Variants in TFPI observed in about 807,000 individuals in gnomAD.
The protein encoded by TFPI is anti-convertin.
In TFPI, 15 loss-of-function variants were observed where a neutral mutation model predicts 34.6. The observed-to-expected ratio is 0.43, with a 90% CI of 0.29 to 0.67. TFPI has a LOEUF of 0.67. Ranked by LOEUF, TFPI falls within the 30% of genes least tolerant of loss-of-function variation. The probability of loss-of-function intolerance (pLI) is 0.15; values close to 1 mark genes in which losing one functional copy is unlikely to be tolerated. For missense variants in TFPI, 301 were observed against 364.0 expected, an observed-to-expected ratio of 0.83 and a Z score of 1.41; for synonymous variants, 105 against 120.1, an observed-to-expected ratio of 0.87 and a Z score of 0.82.
intron 2 of TFPI, 86 bp downstream of exon 2, chr2:187,503,562 C>T: frequency 6.7e-7 from 1 of 1,502,750 alleles, no homozygotes; most frequent in Non-Finnish European, 9.0e-7. Context: ...TAATTTCCCT[C>T]CACAATGGAA....
Position 187,498,016 on chromosome 2 carries a change from A to T in TFPI, c.122-938T>A, listed in dbSNP as rs117762436. 6.3e-4 allele frequency among the ~76,000 whole-genome samples: 95 copies of T among 151,928 alleles called. No homozygotes were observed. The East Asian group carries it at 0.018, about 28-fold the overall frequency. On this transcript the variant is annotated intron_variant, in intron 2 of 7. Coordinates refer to ENST00000233156, the MANE Select transcript of TFPI (RefSeq NM_006287.6). Reference sequence around the variant, plus strand: ...TTGGCAATTGATTTATTAATCTCTTATGGGGAATATTGAAACCTATAAATG... The same window carrying T: ...TTGGCAATTGATTTATTAATCTCTTTTGGGGAATATTGAAACCTATAAATG...
chr2:187,498,198 T>G (rs1172050658), intron 2 of TFPI, among the ~76,000 whole-genome samples: 1 of 151,906 alleles, frequency 6.6e-6, no homozygotes, highest in East Asian at 1.9e-4. Context: ...TCACATAAAA[T>G]ATTTTTAAAG....
At chr2:187,505,853 G>A (rs1177273649) in intron 1 of TFPI, among the ~76,000 whole-genome samples, 1 of 152,000 alleles carries the variant, frequency 6.6e-6, no homozygotes, top group African/African-American at 2.4e-5. Flanking sequence ...TTTGGGTGGT[G>A]GAAACGGACA....
intron 1 of TFPI, chr2:187,517,509 TTTG>T (rs1687088237): frequency 6.6e-6 from 1 of 152,208 alleles, no homozygotes; most frequent in Non-Finnish European, 1.5e-5. Context: ...AGACAAACTG[TTTG>T]TTATGATTTC....
At chr2:187,470,215 A>T (rs1403095905) in intron 6 of TFPI, among the ~76,000 whole-genome samples, 3 of 152,198 alleles carry the variant, frequency 2.0e-5, no homozygotes, top group African/African-American at 7.2e-5. Flanking sequence ...TAAGTTGCAG[A>T]TAATATGTGT....
intron 1 of TFPI, among the ~76,000 whole-genome samples, chr2:187,549,373 A>G (rs1689013425): frequency 6.6e-6 from 1 of 152,122 alleles, no homozygotes; most frequent in African/African-American, 2.4e-5. Flanking sequence ...TTGTGATAGG[A>G]AACTATTAGG....
At chr2:187,473,415 G>GA (rs1017901028) in intron 6 of TFPI, among the ~76,000 whole-genome samples, 2 of 151,668 alleles carry the variant, frequency 1.3e-5, no homozygotes, top group Non-Finnish European at 2.9e-5. Context: ...GTGGTAAGTT[G>GA]AAAAAAAATA....
chr2:187,546,232 C>G (rs1373051018), intron 1 of TFPI, among the ~76,000 whole-genome samples: 2 of 149,718 alleles, frequency 1.3e-5, no homozygotes, highest in Non-Finnish European at 3.0e-5. Context: ...CTAAAACTCT[C>G]TAAAAATGAA....
chr2:187,531,922 T>C (rs957738626), intron 1 of TFPI, among the ~76,000 whole-genome samples: 3 of 144,364 alleles, frequency 2.1e-5, no homozygotes, highest in Admixed American at 1.4e-4. Context: ...TGCTTTTATT[T>C]AAAATTTTTT....
At chr2:187,477,232 T>C (rs566727355) in intron 6 of TFPI, among the ~76,000 whole-genome samples, 2 of 152,162 alleles carry the variant, frequency 1.3e-5, no homozygotes, top group African/African-American at 4.8e-5. Context: ...TTGTTTCTCA[T>C]CAGCATTCCT....
intron 1 of TFPI, among the ~76,000 whole-genome samples, chr2:187,531,757 A>G (rs1687969232): frequency 6.6e-6 from 1 of 152,136 alleles, no homozygotes; most frequent in Non-Finnish European, 1.5e-5. Flanking sequence ...CATGTAAGTG[A>G]TACATTGACA....
chr2:187,471,087 T>C (rs1321584743), intron 6 of TFPI, among the ~76,000 whole-genome samples: 1 of 152,266 alleles, frequency 6.6e-6, no homozygotes. Flanking sequence ...TATTGTATTA[T>C]GTGTAATTAA....
intron 2 of TFPI, 133 bp downstream of exon 2, chr2:187,503,515 A>G: frequency 1.0e-6 from 1 of 982,474 alleles, no homozygotes; most frequent in African/African-American, 1.6e-5. Flanking sequence ...ATTAGGTATA[A>G]TAAATTTCCA....
intron 1 of TFPI, chr2:187,513,604 G>A (rs1686795390): frequency 6.6e-6 from 1 of 152,608 alleles, no homozygotes; most frequent in East Asian, 1.9e-4. Context: ...GCCATCCTGT[G>A]AAGGAGCTTA....
In TFPI at chr2:187,464,953, G is replaced by A. The variant is rs1040526204; in HGVS notation, c.*1983C>T. The stretch of plus-strand genomic sequence containing the variant: ...CTGACTTCACATGAATGGCCTGGAG[G>A]GGATCATATTTTTAAACAGGAAATC... On this transcript the variant is annotated 3_prime_UTR_variant, in exon 8 of 8. Transcript: ENST00000233156. The A allele has an allele frequency of 6.6e-6, 1 of 152,144 alleles. No homozygotes were observed. The highest frequency in any genetic ancestry group is 2.4e-5 in the African/African-American group (1 of 41,446). The allele number at this position is 152,144 out of a possible 1,614,324, so 9.4% of individuals were successfully genotyped here. A position where few individuals can be genotyped will look rare whatever the true frequency, so the allele number is the denominator to read the frequency against.
rs201115475 is a variant in TFPI at position 187,473,802 on chromosome 2, CT to C, written c.629-5871del. Among the ~76,000 whole-genome samples the C allele has an allele frequency of 1.6e-3, 235 of 146,366 alleles. 1 individual carries two copies. The highest frequency in any genetic ancestry group is 0.011 in the South Asian group (52 of 4,612). On this transcript the variant is annotated intron_variant, in intron 6 of 7. Transcript: ENST00000233156. The stretch of plus-strand genomic sequence containing the variant: ...GAATGGAAAAACAAGCACTGTGGAG[CT>C]TTTTTTTTTCCCCCCGCATGTGTAT...
chr2:187,518,830 G>T (rs1227020788), intron 1 of TFPI: 1 of 151,906 alleles, frequency 6.6e-6, no homozygotes, highest in Non-Finnish European at 1.5e-5. Context: ...TAGAGGCTTT[G>T]TTCATTCTCC....
intron 1 of TFPI, among the ~76,000 whole-genome samples, chr2:187,542,383 CAG>C (rs900783765): frequency 4.0e-5 from 6 of 150,712 alleles, no homozygotes; most frequent in South Asian, 2.1e-4. Flanking sequence ...GAAACAGAAA[CAG>C]AGAGAGAGAT....
At chr2:187,525,048 G>A (rs1687607132) in intron 1 of TFPI, among the ~76,000 whole-genome samples, 1 of 151,972 alleles carries the variant, frequency 6.6e-6, no homozygotes, top group Admixed American at 6.6e-5. Flanking sequence ...TCAATGTTCT[G>A]TATTGAATCT....
Sources: allele counts gnomAD v4.1 joint callset (sites outside exome capture counted in the v4.1 genomes callset), GRCh38; gene constraint gnomAD v4.1.1; transcripts MANE v1.5; gene names NCBI Gene and HGNC (gene_info 2026-07-23, HGNC 2026-07-21).